The following VPS35L variants were observed in gnomAD, a reference collection of about 807,000 sequenced individuals.
The protein encoded by VPS35L is VPS35 endosomal protein sorting factor like.
A neutral mutation model predicts 133.0 loss-of-function variants in VPS35L; 83 were observed. The observed-to-expected ratio is 0.62, with a 90% CI of 0.52 to 0.75. The LOEUF is 0.75. VPS35L is among the 30% of genes least tolerant of loss of function. The probability of loss-of-function intolerance (pLI) is 0.00; values close to 1 mark genes in which losing one functional copy is unlikely to be tolerated. For missense variants in VPS35L, 1,083 were observed against 1,206.8 expected (o/e 0.90, Z 1.52); for synonymous variants, 423 against 449.9 (o/e 0.94, Z 0.76).
intron 25 of VPS35L, among the ~76,000 whole-genome samples, 156 bp downstream of exon 25, chr16:19,650,615 G>A (rs1485036481): frequency 6.6e-6 from 1 of 152,048 alleles, no homozygotes; most frequent in African/African-American, 2.4e-5. Flanking sequence ...GTATCTATGG[G>A]ATGAGCCATT....
rs183251462 is a variant in VPS35L at position 19,601,544 on chromosome 16, C to T, written c.725-120C>T. ...ATCTGTCCCACCAGGTGGCAGCATA[C>T]CATCACAAGTTAAAGCCTGTCTGGG... On this transcript the variant is annotated intron_variant, in intron 8 of 30. Transcript: ENST00000417362. 36 of 924,538 alleles carry T rather than the reference C, an allele frequency of 3.9e-5. No homozygotes were observed. The African/African-American group carries it at 6.9e-4, about 18-fold the overall frequency. 57.3% of individuals were successfully genotyped at this position (924,538 alleles called of 1,614,324 possible). A position where few individuals can be genotyped will look rare whatever the true frequency, so the allele number is the denominator to read the frequency against.
At chr16:19,609,351 G>A (rs1972635041) in intron 11 of VPS35L, among the ~76,000 whole-genome samples, 1 of 152,148 alleles carries the variant, frequency 6.6e-6, no homozygotes, top group African/African-American at 2.4e-5. Flanking sequence ...CAGAACCTCT[G>A]GCTCCCTCTC....
rs559303611 is a variant in VPS35L, at chr16:19,675,305, C to A, written c.2361+6006C>A. On this transcript the variant is annotated intron_variant, in intron 27 of 30. Transcript: ENST00000417362. ...TTGCCCATTCTGGAGTGCAGTAGTA[C>A]AATCATAGCTCACTGCAGCGTGAGC... is the stretch of plus-strand genomic sequence containing the variant. 3.4e-5 allele frequency among the ~76,000 whole-genome samples: 5 copies of A among 147,942 alleles called. No individual in the cohort carries two copies. In the East Asian group the frequency reaches 1.0e-3, roughly 30 times the overall value.
intron 12 of VPS35L, among the ~76,000 whole-genome samples, chr16:19,612,294 C>T (rs1295686563): frequency 6.6e-6 from 1 of 150,494 alleles, no homozygotes; most frequent in Non-Finnish European, 1.5e-5. Flanking sequence ...CACTCTGTTG[C>T]CCAGGCTGGA....
At chr16:19,559,883 T>C (rs1376284465) in intron 1 of VPS35L, among the ~76,000 whole-genome samples, 1 of 152,128 alleles carries the variant, frequency 6.6e-6, no homozygotes, top group East Asian at 1.9e-4. Context: ...GAAACGGGTT[T>C]TGCCGTGTTG....
intron 26 of VPS35L, among the ~76,000 whole-genome samples, chr16:19,652,930 A>G (rs1974180958): frequency 1.3e-5 from 2 of 152,184 alleles, no homozygotes; most frequent in Non-Finnish European, 2.9e-5. Flanking sequence ...TATTTGGGAG[A>G]AGGTGATCTC....
At chr16:19,700,117 T>C (rs2239973) in intron 30 of VPS35L, among the ~76,000 whole-genome samples, 34,168 of 152,076 alleles carry the variant, frequency 0.22, 4,423 homozygotes, top group African/African-American at 0.35. Flanking sequence ...AACAAAAGCA[T>C]AGCCTTAAAA....
chr16:19,597,540 C>G (rs1003417166), intron 8 of VPS35L, among the ~76,000 whole-genome samples: 3 of 152,080 alleles, frequency 2.0e-5, no homozygotes, highest in South Asian at 2.1e-4. Flanking sequence ...AAACTGCGCT[C>G]GGTACCTTCT....
intron 7 of VPS35L, among the ~76,000 whole-genome samples, chr16:19,591,412 A>G (rs1597336923): frequency 1.3e-5 from 2 of 152,110 alleles, no homozygotes; most frequent in East Asian, 1.9e-4. Context: ...GTGATAGTGT[A>G]TTTTCTTAAG....
chr16:19,678,644 A>T (rs1975147401), intron 27 of VPS35L, among the ~76,000 whole-genome samples: 1 of 151,796 alleles, frequency 6.6e-6, no homozygotes, highest in South Asian at 2.1e-4. Flanking sequence ...TGCCCAGCTA[A>T]TTTTTGTATT....
intron 27 of VPS35L, among the ~76,000 whole-genome samples, chr16:19,677,123 C>T (rs1193178799): frequency 7.3e-5 from 11 of 151,018 alleles, no homozygotes; most frequent in East Asian, 3.9e-4. Flanking sequence ...TAGAATGCAG[C>T]GGTGTGATCT....
chr16:19,609,096 A>G, intron 11 of VPS35L, 75 bp downstream of exon 11: 1 of 1,250,968 alleles, frequency 8.0e-7, no homozygotes, highest in Non-Finnish European at 1.2e-6. Flanking sequence ...AGTAATGGCA[A>G]TGTAATAGTA....
At chr16:19,600,590 C>T (rs1251039746) in intron 8 of VPS35L, among the ~76,000 whole-genome samples, 3 of 152,126 alleles carry the variant, frequency 2.0e-5, no homozygotes, top group Non-Finnish European at 4.4e-5. Flanking sequence ...ATATTGAGTA[C>T]CCCCTGTGTG....
chr16:19,599,537 C>CTTTT (rs10709909), intron 8 of VPS35L, among the ~76,000 whole-genome samples: 3,377 of 145,624 alleles, frequency 0.023, 143 homozygotes, highest in African/African-American at 0.082. Context: ...CTCCAAAATA[C>CTTTT]TTTTTTTTTT....
In VPS35L at chr16:19,666,471, C is replaced by T. The variant is rs559645355; in HGVS notation, c.2222-2689C>T. On this transcript the variant is annotated intron_variant, in intron 26 of 30. Coordinates refer to ENST00000417362, the MANE Select transcript of VPS35L (RefSeq NM_020314.7). ...TACTTAAGATAAGATTGAGAAGTCT[C>T]CAGACAATATTTTCTATATGGGGCA... 5.3e-5 allele frequency among the ~76,000 whole-genome samples: 8 copies of T among 152,222 alleles called. 1 individual carries two copies. The highest frequency in any genetic ancestry group is 1.7e-4 in the African/African-American group (7 of 41,506).
At chr16:19,557,407 T>C (rs536453674) in intron 1 of VPS35L, among the ~76,000 whole-genome samples, 44 of 152,332 alleles carry the variant, frequency 2.9e-4, no homozygotes, top group Non-Finnish European at 5.9e-4. Context: ...GTTGTTGTTT[T>C]TGTTGAGACG....
Position 19,599,683 on chromosome 16 carries a change from A to G in VPS35L, c.725-1981A>G, listed in dbSNP as rs150311818. Among the ~76,000 whole-genome samples, 146 of 152,076 alleles carry G rather than the reference A, an allele frequency of 9.6e-4. 3 individuals are homozygous for G. The East Asian group carries it at 0.023, about 24-fold the overall frequency. On this transcript the variant is annotated intron_variant, in intron 8 of 30. Coordinates refer to ENST00000417362, the MANE Select transcript of VPS35L (RefSeq NM_020314.7). The stretch of plus-strand genomic sequence containing the variant: ...GCCTGGCTATAAAATATTCTTTTCC[A>G]GTAGCTCTAAGGTGGGCACCAGGAA...
intron 8 of VPS35L, among the ~76,000 whole-genome samples, chr16:19,596,694 T>C (rs1177052486): frequency 1.3e-5 from 2 of 152,026 alleles, no homozygotes; most frequent in African/African-American, 4.8e-5. Flanking sequence ...TAAATTATGG[T>C]GTGTCTGTAT....
chr16:19,569,828 C>T (rs1006246718), intron 3 of VPS35L, among the ~76,000 whole-genome samples: 4 of 151,162 alleles, frequency 2.6e-5, no homozygotes, highest in African/African-American at 7.3e-5. Context: ...ACTACTGTGC[C>T]GGGTTAATTT....
Sources: allele counts gnomAD v4.1 joint callset (sites outside exome capture counted in the v4.1 genomes callset), GRCh38; gene constraint gnomAD v4.1.1; transcripts MANE v1.5; gene names NCBI Gene and HGNC (gene_info 2026-07-23, HGNC 2026-07-21).